The following MYRIP variants were observed in gnomAD, a reference collection of about 807,000 sequenced individuals.
MYRIP encodes myosin VIIA and Rab interacting protein, also known as rab effector MyRIP.
Under a neutral mutation model 98.0 loss-of-function variants are expected in MYRIP, and 49 were observed. That is an observed-to-expected ratio of 0.50 (90% confidence interval 0.40 to 0.63). The LOEUF (loss-of-function observed/expected upper bound fraction) is 0.63. Ranked by LOEUF, MYRIP falls within the 30% of genes least tolerant of loss-of-function variation. MYRIP has a pLI of 0.00. For synonymous variants in MYRIP, 404 were observed against 409.5 expected (o/e 0.99, Z 0.16); for missense variants, 1,004 against 1,058.2 (o/e 0.95, Z 0.71).
intron 2 of MYRIP, among the ~76,000 whole-genome samples, chr3:39,941,988 A>G (rs1944796468): frequency 6.6e-6 from 1 of 152,138 alleles, no homozygotes; most frequent in South Asian, 2.1e-4. Flanking sequence ...ATCATGTTTG[A>G]TCCTTTTGAA....
chr3:39,899,359 T>A (rs1320859233), intron 1 of MYRIP, among the ~76,000 whole-genome samples: 1 of 152,188 alleles, frequency 6.6e-6, no homozygotes, highest in Non-Finnish European at 1.5e-5. Context: ...TATGCCCTAT[T>A]TTTTAAATCA....
At chr3:40,214,311 C>CTGTT (rs145117711) in intron 11 of MYRIP, among the ~76,000 whole-genome samples, 7,877 of 152,242 alleles carry the variant, frequency 0.052, 646 homozygotes, top group African/African-American at 0.18. Flanking sequence ...ACTGTCCCTG[C>CTGTT]TGTTTGGGAG....
intron 3 of MYRIP, among the ~76,000 whole-genome samples, chr3:40,058,107 T>C (rs1410137415): frequency 6.6e-6 from 1 of 152,234 alleles, no homozygotes; most frequent in Non-Finnish European, 1.5e-5. Context: ...ATTTTCTCAA[T>C]GTGTAGTACT....
At chr3:39,813,087 G>T (rs34332436) in intron 1 of MYRIP, among the ~76,000 whole-genome samples, 38,114 of 152,110 alleles carry the variant, frequency 0.25, 5,058 homozygotes, top group Middle Eastern at 0.32. Flanking sequence ...AGCTTTGGTC[G>T]CCTCATCCTA....
chr3:39,842,446 GC>G (rs34755615), intron 1 of MYRIP, among the ~76,000 whole-genome samples: 3 of 152,148 alleles, frequency 2.0e-5, no homozygotes, highest in Non-Finnish European at 2.9e-5. Flanking sequence ...CCTGGCTTCA[GC>G]CCCCTTTCCA....
At chr3:39,859,195 G>A (rs1228927046) in intron 1 of MYRIP, among the ~76,000 whole-genome samples, 1 of 149,790 alleles carries the variant, frequency 6.7e-6, no homozygotes, top group Non-Finnish European at 1.5e-5. Flanking sequence ...AAATGAAACA[G>A]GATACAACTG....
intron 1 of MYRIP, among the ~76,000 whole-genome samples, chr3:39,889,508 A>T (rs1943419974): frequency 6.6e-6 from 1 of 152,258 alleles, no homozygotes; most frequent in African/African-American, 2.4e-5. Flanking sequence ...GAAGGGGAAC[A>T]TCACACTCTG....
intron 12 of MYRIP, among the ~76,000 whole-genome samples, chr3:40,239,022 G>A (rs1180323266): frequency 6.7e-6 from 1 of 150,302 alleles, no homozygotes; most frequent in East Asian, 2.0e-4. Flanking sequence ...TCGTCATCTA[G>A]CATTAGGTAT....
At chr3:40,164,041 G>A (rs1265632926) in intron 5 of MYRIP, among the ~76,000 whole-genome samples, 1 of 151,976 alleles carries the variant, frequency 6.6e-6, no homozygotes. Context: ...CTAATGCTTG[G>A]CCATTAGCAC....
rs1276734319 is a variant in MYRIP, at chr3:39,940,967, G to A, written c.110+40041G>A. Reference sequence around the variant, plus strand: ...TTTATTACCAGTTACTACTTTTAATGGATATTTATTGAGCCCCATGGTATG... The same window carrying A: ...TTTATTACCAGTTACTACTTTTAATAGATATTTATTGAGCCCCATGGTATG... On this transcript the variant is annotated intron_variant, in intron 2 of 16. Coordinates refer to ENST00000302541, the MANE Select transcript of MYRIP (RefSeq NM_015460.4). 2.6e-5 allele frequency among the ~76,000 whole-genome samples: 4 copies of A among 152,050 alleles called. No individual in the cohort carries two copies. The East Asian group carries it at 7.7e-4, about 29-fold the overall frequency.
At chr3:40,023,106 G>A (rs1292320053) in intron 2 of MYRIP, among the ~76,000 whole-genome samples, 4 of 152,174 alleles carry the variant, frequency 2.6e-5, no homozygotes, top group African/African-American at 9.7e-5. Flanking sequence ...AAAACTCTTG[G>A]AAAGAAAGAA....
intron 3 of MYRIP, among the ~76,000 whole-genome samples, chr3:40,145,548 G>A (rs76132105): frequency 0.031 from 4,795 of 152,250 alleles, 124 homozygotes; most frequent in Non-Finnish European, 0.052. Context: ...ACCAGTTGGC[G>A]ACTCTTTCAG....
chr3:39,846,904 C>A (rs897580665), intron 1 of MYRIP, among the ~76,000 whole-genome samples: 3 of 152,150 alleles, frequency 2.0e-5, no homozygotes, highest in African/African-American at 7.2e-5. Context: ...CCCAGGAGAG[C>A]AAATTGTGCA....
At chr3:40,044,355 C>A (rs1449336905) in intron 3 of MYRIP, 84 bp downstream of exon 3, 10 of 1,342,224 alleles carry the variant, frequency 7.5e-6, no homozygotes, top group Non-Finnish European at 8.5e-6. Flanking sequence ...GTAGAACCAG[C>A]TATGATTGGT....
At chr3:39,857,182 C>T (rs2125613366) in intron 1 of MYRIP, among the ~76,000 whole-genome samples, 1 of 151,390 alleles carries the variant, frequency 6.6e-6, no homozygotes, top group Non-Finnish European at 1.5e-5. Context: ...TACTGCACTC[C>T]AGCCTGAGTG....
intron 10 of MYRIP, among the ~76,000 whole-genome samples, chr3:40,192,330 T>TATATATATGTCATATATATATATGTC (rs1553624983): frequency 3.0e-5 from 3 of 100,060 alleles, no homozygotes; most frequent in Admixed American, 1.1e-4. Flanking sequence ...ATATATGTCA[T>TATATATATGTCATATATATATATGTC]ATATATATAT....
At chr3:40,130,092 G>T (rs1459359577) in intron 3 of MYRIP, among the ~76,000 whole-genome samples, 1 of 152,036 alleles carries the variant, frequency 6.6e-6, no homozygotes, top group Non-Finnish European at 1.5e-5. Context: ...CTTTCTATTT[G>T]CTTGAACTCT....
chr3:40,142,079 T>C (rs1337496222), intron 3 of MYRIP, among the ~76,000 whole-genome samples: 1 of 132,898 alleles, frequency 7.5e-6, no homozygotes, highest in East Asian at 2.5e-4. Flanking sequence ...TTGAGAGAAG[T>C]CTTGCTCTTG....
chr3:40,257,823 A>T (rs1231052590), intron 16 of MYRIP, among the ~76,000 whole-genome samples: 2 of 152,234 alleles, frequency 1.3e-5, no homozygotes, highest in Non-Finnish European at 2.9e-5. Context: ...TTTATAAAAG[A>T]TTTAGAAACT....
Sources: allele counts gnomAD v4.1 joint callset (sites outside exome capture counted in the v4.1 genomes callset), GRCh38; gene constraint gnomAD v4.1.1; transcripts MANE v1.5; gene names NCBI Gene and HGNC (gene_info 2026-07-23, HGNC 2026-07-21).